The following DDX1 variants were observed in gnomAD, a reference collection of about 807,000 sequenced individuals.
DDX1 encodes DEAD-box helicase 1, also known as ATP-dependent RNA helicase DDX1.
A neutral mutation model predicts 108.7 loss-of-function variants in DDX1; 28 were observed. That is an observed-to-expected ratio of 0.26 (90% CI 0.19 to 0.35). The LOEUF (loss-of-function observed/expected upper bound fraction) is 0.35. Ranked by LOEUF, DDX1 falls within the 10% of genes least tolerant of loss-of-function variation. DDX1 has a pLI of 1.00. For synonymous variants in DDX1, 295 were observed against 288.9 expected (o/e 1.02, Z -0.21); for missense variants, 710 against 884.5 (o/e 0.80, Z 2.50).
intron 16 of DDX1, 149 bp from the exon 17 acceptor site, chr2:15,620,059 C>G: frequency 1.5e-6 from 1 of 680,670 alleles, no homozygotes; most frequent in Non-Finnish European, 2.4e-6. Flanking sequence ...TGCCCAAAGT[C>G]ATAACTCTAG....
intron 16 of DDX1, among the ~76,000 whole-genome samples, chr2:15,618,910 G>T (rs1665944069): frequency 6.6e-6 from 1 of 152,204 alleles, no homozygotes; most frequent in Admixed American, 6.5e-5. Context: ...CCCAACCTCG[G>T]CCTTAACTTT....
intron 13 of DDX1, among the ~76,000 whole-genome samples, chr2:15,612,539 A>AG (rs1665792902): frequency 6.7e-6 from 1 of 148,644 alleles, no homozygotes; most frequent in African/African-American, 2.5e-5. Flanking sequence ...AGCCAGGCAG[A>AG]GGGGCTCCTC....
At chr2:15,616,556 A>G (rs777528585) in intron 14 of DDX1, among the ~76,000 whole-genome samples, 1 of 152,180 alleles carries the variant, frequency 6.6e-6, no homozygotes, top group Non-Finnish European at 1.5e-5. Flanking sequence ...GAAAAGTTTT[A>G]TTTAGTATTC....
In DDX1 at chr2:15,631,083, A is replaced by T; in HGVS notation, c.*177A>T. 1 of 499,222 alleles carries T rather than the reference A, an allele frequency of 2.0e-6. No homozygotes were observed. The highest frequency in any genetic ancestry group is 3.1e-5 in the East Asian group (1 of 31,814). 30.9% of individuals were successfully genotyped at this position (499,222 alleles called of 1,614,324 possible). A position where few individuals can be genotyped will look rare whatever the true frequency, so the allele number is the denominator to read the frequency against. On this transcript the variant is annotated 3_prime_UTR_variant, in exon 26 of 26. Transcript: ENST00000233084. ...CTTCAAAAAATGGCATCCCAATGAA[A>T]ATAAATTTGATGACTATATTTTCAT... is the stretch of plus-strand genomic sequence containing the variant.
chr2:15,606,361 T>C (rs1038892677), intron 12 of DDX1, 97 bp downstream of exon 12: 21 of 786,560 alleles, frequency 2.7e-5, no homozygotes, highest in African/African-American at 3.6e-5. Flanking sequence ...ACATATACTT[T>C]CCTTGCTGGT....
At chr2:15,623,125 G>A (rs1210884867) in intron 18 of DDX1, among the ~76,000 whole-genome samples, 1 of 152,128 alleles carries the variant, frequency 6.6e-6, no homozygotes, top group Non-Finnish European at 1.5e-5. Context: ...CAGTTTTGCT[G>A]TATGTATTTC....
intron 9 of DDX1, 64 bp from the exon 10 acceptor site, chr2:15,604,373 T>C (rs933318537): frequency 8.7e-6 from 9 of 1,038,340 alleles, no homozygotes; most frequent in Non-Finnish European, 1.3e-5. Context: ...TTGATGCAGC[T>C]ATATTTTAAC....
At chr2:15,622,350 G>A (rs529055255) in intron 18 of DDX1, among the ~76,000 whole-genome samples, 18 of 152,130 alleles carry the variant, frequency 1.2e-4, no homozygotes, top group African/African-American at 3.9e-4. Flanking sequence ...ATTAAATTCC[G>A]CCTCAATGAA....
At chr2:15,607,135 G>T in intron 12 of DDX1, 40 bp from the exon 13 acceptor site, 1 of 1,584,618 alleles carries the variant, frequency 6.3e-7, no homozygotes, top group Non-Finnish European at 8.7e-7. Context: ...GTATTATAAA[G>T]TGTGCTTTGA....
intron 16 of DDX1, among the ~76,000 whole-genome samples, chr2:15,619,071 C>T (rs1665947491): frequency 6.6e-6 from 1 of 152,214 alleles, no homozygotes; most frequent in Admixed American, 6.5e-5. Context: ...CAGCTGCAGC[C>T]ATGCCTGGGA....
intron 20 of DDX1, 187 bp downstream of exon 20, chr2:15,627,332 C>T (rs1666117319): frequency 1.5e-5 from 7 of 452,290 alleles, no homozygotes; most frequent in South Asian, 1.4e-4. Flanking sequence ...GTAAATTATA[C>T]ATTCTCTATC....
At chr2:15,616,431 C>T (rs187626222) in intron 14 of DDX1, among the ~76,000 whole-genome samples, 277 of 152,272 alleles carry the variant, frequency 1.8e-3, no homozygotes, top group African/African-American at 6.0e-3. Flanking sequence ...ACTCTGAAAC[C>T]TGTGTGTCTA....
chr2:15,607,498 T>C (rs1338829836), intron 13 of DDX1, among the ~76,000 whole-genome samples, 185 bp downstream of exon 13: 1 of 122,724 alleles, frequency 8.1e-6, no homozygotes, highest in Non-Finnish European at 1.6e-5. Context: ...ATGGTAAGTA[T>C]GATTTTTTTA....
At chr2:15,630,665 CATTT>C in intron 25 of DDX1, 107 bp from the exon 26 acceptor site, 1 of 1,122,050 alleles carries the variant, frequency 8.9e-7, no homozygotes. Flanking sequence ...CCCAGTAGTA[CATTT>C]TATTGCTGCA....
intron 6 of DDX1, among the ~76,000 whole-genome samples, 187 bp from the exon 7 acceptor site, chr2:15,602,361 A>G (rs1259086368): frequency 1.3e-5 from 2 of 152,216 alleles, no homozygotes; most frequent in African/African-American, 4.8e-5. Flanking sequence ...TGAAATGGTT[A>G]ATTACACTTG....
In DDX1 at chr2:15,601,238, A is replaced by G. The variant is rs1034461191; in HGVS notation, c.308-1310A>G. Among the ~76,000 whole-genome samples, 77 of 152,182 alleles carry G rather than the reference A, an allele frequency of 5.1e-4. 1 individual carries two copies. The highest frequency in any genetic ancestry group is 1.0e-4 in the Non-Finnish European group (7 of 68,034). ...TTTACGAGTTGAGAACTGATGGAGT[A>G]AGTAACAGACACATGTTTGTTTATT... On this transcript the variant is annotated intron_variant, in intron 6 of 25. Coordinates refer to ENST00000233084, the MANE Select transcript of DDX1 (RefSeq NM_004939.3).
At chr2:15,605,054 G>A (rs948890675) in intron 10 of DDX1, among the ~76,000 whole-genome samples, 2 of 152,178 alleles carry the variant, frequency 1.3e-5, no homozygotes, top group African/African-American at 4.8e-5. Context: ...GAGTGAGGTG[G>A]TGAGGCCAGG....
chr2:15,598,636 A>G (rs1336775349), intron 5 of DDX1, among the ~76,000 whole-genome samples: 1 of 152,226 alleles, frequency 6.6e-6, no homozygotes, highest in East Asian at 1.9e-4. Context: ...TAATAGCTAC[A>G]TTGAGCCACA....
At chr2:15,611,255 A>G (rs1489560912) in intron 13 of DDX1, among the ~76,000 whole-genome samples, 1 of 151,668 alleles carries the variant, frequency 6.6e-6, no homozygotes, top group Non-Finnish European at 1.5e-5. Context: ...TTAGTACAGA[A>G]CAAAATGAAA....
Sources: gnomAD v4.1 joint callset for allele counts (sites outside exome capture counted in the v4.1 genomes callset) on GRCh38, gnomAD v4.1.1 for gene constraint, MANE v1.5 for transcripts, NCBI Gene and HGNC (gene_info 2026-07-23, HGNC 2026-07-21) for gene names.